The following ADAM12 variants were observed in gnomAD, a reference collection of about 807,000 sequenced individuals.
The protein encoded by ADAM12 is disintegrin and metalloproteinase domain-containing protein 12.
ADAM12 carries 70 observed loss-of-function variants against 106.4 expected under a neutral mutation model. That is an observed-to-expected ratio of 0.66 (90% CI 0.54 to 0.80). The LOEUF (loss-of-function observed/expected upper bound fraction) is 0.80, where lower values mean the gene tolerates loss of function less well. Ranked by LOEUF, ADAM12 falls within the 30% of genes least tolerant of loss-of-function variation. ADAM12 has a pLI of 0.00. For synonymous variants in ADAM12, 420 were observed against 433.5 expected, an observed-to-expected ratio of 0.97 and a Z score of 0.39; for missense variants, 1,010 against 1,171.9, an observed-to-expected ratio of 0.86 and a Z score of 2.02.
chr10:126,165,287 C>A (rs1957004643), intron 3 of ADAM12, among the ~76,000 whole-genome samples: 1 of 152,310 alleles, frequency 6.6e-6, no homozygotes, highest in Non-Finnish European at 1.5e-5. Context: ...CCTGCCTCAG[C>A]CTCCTGAGTA....
In ADAM12 at chr10:126,117,767, G is replaced by GGA. The variant is rs1001143613; in HGVS notation, c.603+270_603+271insTC. Among the ~76,000 whole-genome samples, 19 of 113,872 alleles carry GGA rather than the reference G, an allele frequency of 1.7e-4. 1 individual carries two copies. The highest frequency in any genetic ancestry group is 2.9e-4 in the Non-Finnish European group (17 of 57,764). The allele number at this position is 113,872 out of a possible 152,430, so 74.7% of individuals were successfully genotyped here. On this transcript the variant is annotated intron_variant, in intron 6 of 22. Coordinates refer to ENST00000448723, the MANE Select transcript of ADAM12 (RefSeq NM_001288973.2). ...TTGTGGGGGTAGAAGTTGGGGGGGC[G>GGA]TAATTTTGTCATCCTTTGATCCCAA...
chr10:126,243,093 A>T (rs766652862), intron 3 of ADAM12, among the ~76,000 whole-genome samples: 1 of 152,198 alleles, frequency 6.6e-6, no homozygotes, highest in Non-Finnish European at 1.5e-5. Flanking sequence ...CGTGCAGAGC[A>T]GCTGTGATGG....
At position 126,013,155 on chromosome 10, in the gene ADAM12, T is replaced by C. The variant is rs1953598596; in HGVS notation, c.*4124A>G. 2 of 152,216 alleles carry C rather than the reference T, an allele frequency of 1.3e-5. No individual in the cohort carries two copies. Among genetic ancestry groups the C allele is most frequent in the Admixed American group, 6.5e-5 (1 of 15,286 alleles). The allele number at this position is 152,216 out of a possible 1,614,324, so 9.4% of individuals were successfully genotyped here. ...TCTTAATTTTTCTCATATGAAACTG[T>C]AATGGCTGTACTAGAAGCTGCCATT... On this transcript the variant is annotated 3_prime_UTR_variant, in exon 23 of 23. Coordinates refer to ENST00000448723, the MANE Select transcript of ADAM12 (RefSeq NM_001288973.2). This position sits in a 1 kb window ranked among gnomAD's most constrained non-coding sequence, Gnocchi z 4.3.
intron 2 of ADAM12, among the ~76,000 whole-genome samples, chr10:126,311,134 CA>C (rs1961076962): frequency 1.3e-5 from 2 of 150,088 alleles, no homozygotes; most frequent in South Asian, 2.1e-4. Context: ...CACACACACA[CA>C]CACCTGCACG....
rs563611242 is a variant in ADAM12 at position 126,114,206 on chromosome 10, G to A, written c.603+3832C>T. On this transcript the variant is annotated intron_variant, in intron 6 of 22. Coordinates refer to ENST00000448723, the MANE Select transcript of ADAM12 (RefSeq NM_001288973.2). Reference sequence around the variant, plus strand: ...TCTGACACCTGGCCGACATGTAGGCGGGCAGAAGTAAACAAATGAGACATT... The same window carrying A: ...TCTGACACCTGGCCGACATGTAGGCAGGCAGAAGTAAACAAATGAGACATT... 9.9e-4 allele frequency among the ~76,000 whole-genome samples: 151 copies of A among 152,226 alleles called. 1 individual carries two copies. Among genetic ancestry groups the A allele is most frequent in the African/African-American group, 3.1e-3 (129 of 41,540 alleles).
chr10:126,384,376 C>A (rs1457696423), intron 1 of ADAM12, among the ~76,000 whole-genome samples: 1 of 152,112 alleles, frequency 6.6e-6, no homozygotes, highest in Non-Finnish European at 1.5e-5. Context: ...CAGGAAGTTA[C>A]TGGAAAACGT....
chr10:126,354,318 A>G (rs1590817494), intron 1 of ADAM12, among the ~76,000 whole-genome samples: 1 of 152,170 alleles, frequency 6.6e-6, no homozygotes, highest in Non-Finnish European at 1.5e-5. Flanking sequence ...CAATAATGTT[A>G]GTTAGTTTAA....
intron 3 of ADAM12, among the ~76,000 whole-genome samples, chr10:126,246,991 A>C (rs1958643308): frequency 6.6e-6 from 1 of 152,226 alleles, no homozygotes. Flanking sequence ...AGCAAACCCC[A>C]TAGTTTCAGC....
In ADAM12 at chr10:126,014,859, A is replaced by C. The variant is rs938897593; in HGVS notation, c.*2420T>G. The C allele has an allele frequency of 4.6e-5, 7 of 151,536 alleles. No individual in the cohort carries two copies. Among genetic ancestry groups the C allele is most frequent in the African/African-American group, 1.7e-4 (7 of 40,834 alleles). 9.4% of individuals were successfully genotyped at this position (151,536 alleles called of 1,614,324 possible). A position where few individuals can be genotyped will look rare whatever the true frequency, so the allele number is the denominator to read the frequency against. The stretch of plus-strand genomic sequence containing the variant: ...AAAAAAATACTAGATTGCCATTGAA[A>C]TATAAGTATTGATTTTTTTTGTTTT... On this transcript the variant is annotated 3_prime_UTR_variant, in exon 23 of 23. Transcript: ENST00000448723.
intron 3 of ADAM12, among the ~76,000 whole-genome samples, chr10:126,209,923 T>G (rs573015319): frequency 6.6e-6 from 1 of 152,310 alleles, no homozygotes; most frequent in South Asian, 2.1e-4. Flanking sequence ...ACAACTTCAC[T>G]GGGAACAGGC....
intron 4 of ADAM12, among the ~76,000 whole-genome samples, chr10:126,140,027 G>C (rs11244832): frequency 0.21 from 32,498 of 152,106 alleles, 3,655 homozygotes; most frequent in South Asian, 0.3. Context: ...GGCTTCCCTG[G>C]TAGGGATTTT....
At chr10:126,041,192 T>A (rs1318959898) in intron 18 of ADAM12, among the ~76,000 whole-genome samples, 1 of 152,000 alleles carries the variant, frequency 6.6e-6, no homozygotes, top group Non-Finnish European at 1.5e-5. Flanking sequence ...TTAATGTCTC[T>A]CCAGGACCCA....
At chr10:126,135,500 G>T in intron 5 of ADAM12, 84 bp downstream of exon 5, 1 of 1,366,982 alleles carries the variant, frequency 7.3e-7, no homozygotes, top group Non-Finnish European at 1.0e-6. Flanking sequence ...CTCACTCTCA[G>T]TGCTTTAGCA....
At chr10:126,258,085 C>A (rs1958927940) in intron 3 of ADAM12, among the ~76,000 whole-genome samples, 1 of 152,188 alleles carries the variant, frequency 6.6e-6, no homozygotes. Flanking sequence ...ATATATCAAG[C>A]ATAGAATAAT....
In ADAM12 at chr10:126,344,819, CTGTT is replaced by C. The variant is rs776656686; in HGVS notation, c.89-14314_89-14311del. On this transcript the variant is annotated intron_variant, in intron 1 of 22. Coordinates refer to ENST00000448723, the MANE Select transcript of ADAM12 (RefSeq NM_001288973.2). ...GGGAGTTCACTCATGATTTGGCTCT[CTGTT>C]TGTCTGTTATTGGTGTATAAGAATG... 1.6e-3 allele frequency among the ~76,000 whole-genome samples: 243 copies of C among 152,190 alleles called. 1 individual carries two copies. The highest frequency in any genetic ancestry group is 5.4e-3 in the African/African-American group (226 of 41,496).
At chr10:126,020,672 G>A (rs558322955) in intron 21 of ADAM12, among the ~76,000 whole-genome samples, 3 of 152,154 alleles carry the variant, frequency 2.0e-5, no homozygotes, top group East Asian at 1.9e-4. Context: ...CCTTCATGCC[G>A]CAATTTAAAA....
intron 3 of ADAM12, among the ~76,000 whole-genome samples, chr10:126,191,442 A>G (rs972510383): frequency 2.0e-5 from 3 of 152,082 alleles, no homozygotes; most frequent in African/African-American, 7.2e-5. Context: ...ATGAGTCCAG[A>G]TGAAAGGTGA....
intron 3 of ADAM12, among the ~76,000 whole-genome samples, chr10:126,277,639 A>T (rs1241035290): frequency 6.6e-6 from 1 of 152,228 alleles, no homozygotes; most frequent in Non-Finnish European, 1.5e-5. Context: ...ATCAAAAGCA[A>T]TATACAGTTT....
chr10:126,131,353 T>C (rs1956302217), intron 5 of ADAM12, among the ~76,000 whole-genome samples: 1 of 152,066 alleles, frequency 6.6e-6, no homozygotes, highest in Admixed American at 6.6e-5. Flanking sequence ...TCCACTGAGC[T>C]TGGGAGAGAG....
Sources: gnomAD v4.1 joint callset for allele counts (sites outside exome capture counted in the v4.1 genomes callset) on GRCh38, gnomAD v4.1.1 for gene constraint, Gnocchi (gnomAD v3.1) non-coding constraint, MANE v1.5 for transcripts, NCBI Gene and HGNC (gene_info 2026-07-23, HGNC 2026-07-21) for gene names.